MAST4: variants seen among roughly 807,000 people sequenced by gnomAD.
MAST4 encodes the protein microtubule associated serine/threonine kinase family member 4.
In MAST4, 89 loss-of-function variants were observed where a neutral mutation model predicts 162.7. The ratio of observed to expected loss-of-function variants is 0.55; its 90% CI spans 0.46 to 0.65. The LOEUF is 0.65. MAST4 is among the 30% of genes least tolerant of loss of function. The pLI is 0.00. For missense variants in MAST4, 3,153 were observed against 3,374.0 expected, an observed-to-expected ratio of 0.93 and a Z score of 1.62; for synonymous variants, 1,479 against 1,361.1, an observed-to-expected ratio of 1.09 and a Z score of -1.91.
chr5:66,950,483 A>G (rs977941407), intron 4 of MAST4, among the ~76,000 whole-genome samples: 2 of 152,066 alleles, frequency 1.3e-5, no homozygotes, highest in Non-Finnish European at 2.9e-5. Flanking sequence ...GAATTTGACT[A>G]CTATAGACAA....
At chr5:66,782,202 T>A (rs958033668) in intron 2 of MAST4, among the ~76,000 whole-genome samples, 1 of 150,042 alleles carries the variant, frequency 6.7e-6, no homozygotes, top group Non-Finnish European at 1.5e-5. Context: ...GGCAGGAAAA[T>A]CGCTTGAACC....
chr5:67,120,104 G>A (rs1188238480), intron 13 of MAST4, among the ~76,000 whole-genome samples: 1 of 152,238 alleles, frequency 6.6e-6, no homozygotes, highest in Non-Finnish European at 1.5e-5. Flanking sequence ...AGGCCAAAGG[G>A]GAGCAGAGGA....
chr5:67,133,200 T>C (rs1266161509), intron 16 of MAST4, among the ~76,000 whole-genome samples: 1 of 151,844 alleles, frequency 6.6e-6, no homozygotes, highest in African/African-American at 2.4e-5. Context: ...ATTGTGAAAA[T>C]GGAAAGGGAT....
chr5:66,979,843 A>G (rs1029656778), intron 4 of MAST4, among the ~76,000 whole-genome samples: 14 of 152,252 alleles, frequency 9.2e-5, no homozygotes, highest in African/African-American at 3.1e-4. Flanking sequence ...ACAGTCATTA[A>G]GTGTGTAATT....
At chr5:67,022,286 T>C (rs1754082740) in intron 4 of MAST4, among the ~76,000 whole-genome samples, 2 of 152,192 alleles carry the variant, frequency 1.3e-5, no homozygotes, top group Admixed American at 6.5e-5. Context: ...AACATGTTTA[T>C]GAATCTTAAT....
rs188406840 is a variant in MAST4 at position 66,898,130 on chromosome 5, C to T, written c.643-1821C>T. On this transcript the variant is annotated intron_variant, in intron 3 of 28. Coordinates refer to ENST00000403625, the MANE Select transcript of MAST4 (RefSeq NM_001164664.2). ...ATTTGGTCTCTAGGCCTTTGCTCTGCACTAGTATCAATGCCTTTCTAGGAG... is the reference window on the plus strand; with the variant it reads ...ATTTGGTCTCTAGGCCTTTGCTCTGTACTAGTATCAATGCCTTTCTAGGAG... 3.9e-5 allele frequency among the ~76,000 whole-genome samples: 6 copies of T among 152,240 alleles called. No individual in the cohort carries two copies. In the East Asian group the frequency reaches 1.2e-3, roughly 29 times the overall value.
At chr5:67,089,653 C>T (rs891439989) in intron 5 of MAST4, among the ~76,000 whole-genome samples, 1 of 152,188 alleles carries the variant, frequency 6.6e-6, no homozygotes, top group Non-Finnish European at 1.5e-5. Context: ...CTGACACATC[C>T]ACCTTTAAAA....
At chr5:66,805,263 A>C (rs1756130942) in intron 3 of MAST4, among the ~76,000 whole-genome samples, 1 of 152,174 alleles carries the variant, frequency 6.6e-6, no homozygotes, top group Non-Finnish European at 1.5e-5. Flanking sequence ...TACTTTTCGC[A>C]TATACTACAT....
chr5:66,765,638 C>T (rs1754060505), intron 2 of MAST4, among the ~76,000 whole-genome samples: 1 of 152,004 alleles, frequency 6.6e-6, no homozygotes, highest in African/African-American at 2.4e-5. Flanking sequence ...AAATCTTTTA[C>T]AATAAAATAT....
intron 3 of MAST4, among the ~76,000 whole-genome samples, chr5:66,844,144 TG>T (rs1758634850): frequency 9.9e-5 from 1 of 10,116 alleles, no homozygotes. Context: ...TCAGCCTGTG[TG>T]TGTGTGTGTG....
At chr5:67,018,078 G>A (rs1753529181) in intron 4 of MAST4, among the ~76,000 whole-genome samples, 1 of 151,768 alleles carries the variant, frequency 6.6e-6, no homozygotes, top group Non-Finnish European at 1.5e-5. Context: ...AGGATACTAT[G>A]GTACACTGTG....
intron 3 of MAST4, among the ~76,000 whole-genome samples, chr5:66,837,882 ATATATATATATATT>A (rs1234828344): frequency 8.1e-5 from 5 of 61,904 alleles, no homozygotes; most frequent in African/African-American, 3.8e-4. Context: ...ATATATATAT[ATATATATATATATT>A]TTTTTTTTTT....
At chr5:66,685,262 C>CAAACCAAAACA (rs796310969) in intron 1 of MAST4, among the ~76,000 whole-genome samples, 15 of 143,892 alleles carry the variant, frequency 1.0e-4, no homozygotes, top group Middle Eastern at 3.3e-3. Flanking sequence ...GACCTTGTCT[C>CAAACCAAAACA]AAACAAAACA....
At chr5:66,989,438 C>A (rs1040473707) in intron 4 of MAST4, among the ~76,000 whole-genome samples, 1 of 152,178 alleles carries the variant, frequency 6.6e-6, no homozygotes, top group South Asian at 2.1e-4. Context: ...TTCACTGTCT[C>A]ACTGAGGCAT....
At chr5:66,908,666 G>C (rs2150006057) in intron 4 of MAST4, among the ~76,000 whole-genome samples, 1 of 152,268 alleles carries the variant, frequency 6.6e-6, no homozygotes, top group South Asian at 2.1e-4. Flanking sequence ...TTAGTGAGCA[G>C]TCCTTTTCAG....
At chr5:67,021,849 T>G (rs1329370258) in intron 4 of MAST4, among the ~76,000 whole-genome samples, 2 of 152,102 alleles carry the variant, frequency 1.3e-5, no homozygotes, top group African/African-American at 2.4e-5. Flanking sequence ...TATTGAGGAG[T>G]CATTTTTCAG....
intron 1 of MAST4, among the ~76,000 whole-genome samples, chr5:66,694,332 C>G (rs1749253462): frequency 6.6e-6 from 1 of 152,180 alleles, no homozygotes; most frequent in African/African-American, 2.4e-5. Context: ...TGGCAGCCAA[C>G]AGTCCCTCTC....
At chr5:66,679,295 C>A (rs1440462358) in intron 1 of MAST4, among the ~76,000 whole-genome samples, 1 of 152,120 alleles carries the variant, frequency 6.6e-6, no homozygotes, top group Non-Finnish European at 1.5e-5. Context: ...AAATCTAAAT[C>A]ATGTAGAAGA....
At chr5:66,612,423 G>T (rs931302729) in intron 1 of MAST4, among the ~76,000 whole-genome samples, 20 of 152,214 alleles carry the variant, frequency 1.3e-4, no homozygotes, top group African/African-American at 4.8e-4. Context: ...TGCCAACTCG[G>T]CTTGCTCTGG....
Sources: gnomAD v4.1 joint callset for allele counts (sites outside exome capture counted in the v4.1 genomes callset) on GRCh38, gnomAD v4.1.1 for gene constraint, MANE v1.5 for transcripts, NCBI Gene and HGNC (gene_info 2026-07-23, HGNC 2026-07-21) for gene names.